ZFX: variants seen among roughly 807,000 people sequenced by gnomAD.
ZFX encodes the protein zinc finger protein X-linked.
For missense variants in ZFX, 362 were observed against 628.3 expected (o/e 0.58, Z 4.53); for synonymous variants, 196 against 226.8 (o/e 0.86, Z 1.22).
At chrX:24,154,806 T>TA (rs1168224362) in intron 3 of ZFX, among the ~76,000 whole-genome samples, 59 of 111,802 alleles carry the variant, frequency 5.3e-4, no homozygotes, top group African/African-American at 1.8e-3. Flanking sequence ...TATGCAGCCA[T>TA]AAAAAAGAAC....
intron 5 of ZFX, among the ~76,000 whole-genome samples, chrX:24,195,355 ATT>A (rs751175753): frequency 3.6e-5 from 3 of 83,943 alleles, no homozygotes; most frequent in South Asian, 1.1e-3. Flanking sequence ...CACCGTGCCA[ATT>A]TTTTTTTTTT....
intron 5 of ZFX, among the ~76,000 whole-genome samples, chrX:24,181,187 T>C (rs1007967927): frequency 1.8e-5 from 2 of 112,857 alleles, no homozygotes; most frequent in South Asian, 3.6e-4. Flanking sequence ...TGAAAACTTC[T>C]TGAGATTTTG....
chrX:24,206,524 T>C (rs1937588999), intron 5 of ZFX, among the ~76,000 whole-genome samples: 1 of 96,250 alleles, frequency 1.0e-5, no homozygotes, highest in African/African-American at 4.1e-5. Context: ...TGTGTGTGTG[T>C]GTGTGTGTGT....
chrX:24,193,895 A>G (rs113348660), intron 5 of ZFX, among the ~76,000 whole-genome samples: 61 of 111,874 alleles, frequency 5.5e-4, no homozygotes, highest in Admixed American at 2.0e-3. Flanking sequence ...TTGAGCAACC[A>G]TCAGTATCAT....
intron 3 of ZFX, among the ~76,000 whole-genome samples, chrX:24,157,710 T>C (rs7051939): frequency 0.036 from 3,995 of 111,813 alleles, 129 homozygotes; most frequent in African/African-American, 0.1. Context: ...TTGAACAGTT[T>C]TGAGTGGAAG....
chrX:24,181,524 AAG>A (rs1036893835), intron 5 of ZFX, among the ~76,000 whole-genome samples: 7 of 112,043 alleles, frequency 6.2e-5, no homozygotes, highest in African/African-American at 2.3e-4. Flanking sequence ...TGTATTAAAA[AAG>A]AAAAAAGTTC....
At position 24,211,418 on chromosome X, in the gene ZFX, G is replaced by A. The variant is rs753408336; in HGVS notation, c.*42G>A. On this transcript the variant is annotated 3_prime_UTR_variant, in exon 10 of 10. Transcript: ENST00000304543. ...CGTTTGTAGAGATATTGGCCTTGAAGCAGAAAATTCATTTTAAAGCCAATC... is the reference window on the plus strand; with the variant it reads ...CGTTTGTAGAGATATTGGCCTTGAAACAGAAAATTCATTTTAAAGCCAATC... 1.7e-6 allele frequency: 2 copies of A among 1,184,875 alleles called. No individual in the cohort carries two copies. The highest frequency in any genetic ancestry group is 4.4e-5 in the Admixed American group (2 of 44,958).
chrX:24,200,684 T>G (rs1246939394), intron 5 of ZFX, among the ~76,000 whole-genome samples: 1 of 112,094 alleles, frequency 8.9e-6, no homozygotes, highest in Non-Finnish European at 1.9e-5. Flanking sequence ...TAGTTCCCAG[T>G]GGCAGGATTT....
upstream of ZFX, chrX:24,149,070 G>GC (rs1369250465): frequency 3.0e-5 from 3 of 101,636 alleles, no homozygotes; most frequent in South Asian, 1.5e-3. Context: ...AGACTGGCAA[G>GC]CCCGTTTTCA....
chrX:24,183,245 C>T (rs963354994), intron 5 of ZFX, among the ~76,000 whole-genome samples: 8 of 111,818 alleles, frequency 7.2e-5, no homozygotes, highest in South Asian at 7.4e-4. Context: ...AGTGCAATGG[C>T]GCCATCTTGG....
intron 4 of ZFX, 46 bp from the exon 5 acceptor site, chrX:24,179,137 T>G: frequency 9.4e-7 from 1 of 1,069,222 alleles, no homozygotes; most frequent in Non-Finnish European, 1.3e-6. Flanking sequence ...TTAATTGTAG[T>G]CATGCATACT....
intron 3 of ZFX, among the ~76,000 whole-genome samples, chrX:24,167,405 A>G (rs1229332187): frequency 9.0e-6 from 1 of 111,687 alleles, no homozygotes; most frequent in Non-Finnish European, 1.9e-5. Context: ...ACCCTCATCT[A>G]CAAGTAGGAA....
intron 4 of ZFX, chrX:24,173,568 A>G: frequency 8.8e-7 from 1 of 1,142,090 alleles, no homozygotes; most frequent in Non-Finnish European, 1.2e-6. Context: ...TAACGTTGTA[A>G]AGTGGTTACA....
chrX:24,200,862 G>A (rs1466955872), intron 5 of ZFX, among the ~76,000 whole-genome samples: 2 of 112,219 alleles, frequency 1.8e-5, no homozygotes, highest in Non-Finnish European at 3.8e-5. Flanking sequence ...AGAATCAGAT[G>A]TAATAAAAAA....
At chrX:24,158,395 T>C (rs771771758) in intron 3 of ZFX, among the ~76,000 whole-genome samples, 62 of 111,526 alleles carry the variant, frequency 5.6e-4, no homozygotes, top group Non-Finnish European at 1.1e-3. Context: ...TTCATAATTC[T>C]TTTGTATATA....
chrX:24,207,691 GTCT>G lies in ZFX; in HGVS notation c.797-15_797-13del. On this transcript the variant is annotated intron_variant, in intron 6 of 9. Coordinates refer to ENST00000304543, the MANE Select transcript of ZFX (RefSeq NM_003410.4). ...AGTTTTCAAATAAATTATTGAAGCT[GTCT>G]TCTTCCCTGATTGATAGGTGGAACT... 3 of 1,202,219 alleles carry G rather than the reference GTCT, an allele frequency of 2.5e-6. No individual in the cohort carries two copies. Among genetic ancestry groups the G allele is most frequent in the East Asian group, 5.9e-5 (2 of 33,813 alleles).
At chrX:24,169,779 ATAG>A (rs1371884897) in intron 3 of ZFX, among the ~76,000 whole-genome samples, 1 of 110,131 alleles carries the variant, frequency 9.1e-6, no homozygotes, top group East Asian at 2.8e-4. Flanking sequence ...TGTTGTGGAA[ATAG>A]TAGTTGAAAC....
At chrX:24,156,906 G>T (rs1932828270) in intron 3 of ZFX, among the ~76,000 whole-genome samples, 1 of 111,314 alleles carries the variant, frequency 9.0e-6, no homozygotes, top group African/African-American at 3.3e-5. Flanking sequence ...TGCCCACCTC[G>T]GCCTCTCAAA....
intron 5 of ZFX, among the ~76,000 whole-genome samples, chrX:24,201,158 T>C (rs1209809231): frequency 8.9e-6 from 1 of 112,463 alleles, no homozygotes; most frequent in Non-Finnish European, 1.9e-5. Flanking sequence ...TAAAAGTGTC[T>C]TTTTTAAAGA....
Sources: allele counts gnomAD v4.1 joint callset (sites outside exome capture counted in the v4.1 genomes callset), GRCh38; gene constraint gnomAD v4.1.1; transcripts MANE v1.5; gene names NCBI Gene and HGNC (gene_info 2026-07-23, HGNC 2026-07-21).